ROBO2: variants seen among roughly 807,000 people sequenced by gnomAD.
ROBO2 encodes the protein roundabout homolog 2.
In ROBO2, 53 loss-of-function variants were observed where a neutral mutation model predicts 160.8. The observed-to-expected ratio is 0.33, with a 90% CI of 0.26 to 0.41. ROBO2 has a LOEUF of 0.41. Ranked by LOEUF, ROBO2 falls within the 10% of genes least tolerant of loss-of-function variation. The pLI is 1.00. For synonymous variants in ROBO2, 664 were observed against 611.7 expected (o/e 1.09, Z -1.26); for missense variants, 1,577 against 1,722.4 (o/e 0.92, Z 1.49).
intron 2 of ROBO2, among the ~76,000 whole-genome samples, chr3:77,296,417 G>A (rs540847663): frequency 3.3e-5 from 5 of 152,234 alleles, no homozygotes; most frequent in South Asian, 2.1e-4. Flanking sequence ...TAAAATTGAC[G>A]GCTAAACCGT....
chr3:77,471,926 A>G (rs1262166908), intron 2 of ROBO2, among the ~76,000 whole-genome samples: 5 of 152,276 alleles, frequency 3.3e-5, no homozygotes, highest in East Asian at 1.9e-4. Context: ...AGGATGCGCC[A>G]ATTTCCCCTG....
chr3:76,152,186 G>A (rs966374977), intron 2 of ROBO2, among the ~76,000 whole-genome samples: 8 of 152,168 alleles, frequency 5.3e-5, no homozygotes, highest in African/African-American at 1.9e-4. Context: ...AGGGAGCTAA[G>A]CCATCAGGCT....
At chr3:77,458,542 T>G in intron 2 of ROBO2, among the ~76,000 whole-genome samples, 1 of 152,034 alleles carries the variant, frequency 6.6e-6, no homozygotes, top group Admixed American at 6.6e-5. Flanking sequence ...AATGTAACAC[T>G]GATCAGCAAT....
chr3:75,948,311 C>T (rs868252790), intron 2 of ROBO2, among the ~76,000 whole-genome samples: 12 of 151,860 alleles, frequency 7.9e-5, no homozygotes, highest in Admixed American at 5.3e-4. Context: ...AAATTGGAGA[C>T]TGTGTTTAAA....
intron 2 of ROBO2, among the ~76,000 whole-genome samples, chr3:76,271,446 A>T (rs531022883): frequency 6.6e-6 from 1 of 151,040 alleles, no homozygotes; most frequent in Admixed American, 6.7e-5. Context: ...AGAAAGTCCC[A>T]TTGCCCTTTC....
At chr3:76,016,391 A>G (rs1391623583) in intron 2 of ROBO2, among the ~76,000 whole-genome samples, 2 of 151,960 alleles carry the variant, frequency 1.3e-5, no homozygotes, top group South Asian at 2.1e-4. Flanking sequence ...TACAAGAATG[A>G]GATTTGGCAT....
chr3:76,881,207 C>T (rs11127566), intron 2 of ROBO2, among the ~76,000 whole-genome samples: 8,450 of 152,128 alleles, frequency 0.056, 290 homozygotes, highest in South Asian at 0.14. Flanking sequence ...GGTCAGAGTG[C>T]GGAGAATTAT....
chr3:76,989,748 A>G (rs906772412), intron 2 of ROBO2, among the ~76,000 whole-genome samples: 6 of 152,182 alleles, frequency 3.9e-5, no homozygotes, highest in African/African-American at 1.4e-4. Context: ...ATATAAGACT[A>G]GAGAGAAATC....
In ROBO2 at chr3:76,704,324, C is replaced by G. The variant is rs546062080; in HGVS notation, c.110-393690C>G. Reference sequence around the variant, plus strand: ...CTCCATCTTTGTTTAATTTGAATTTCACTTCCAATATCATCACTTTTTGTT... The same window carrying G: ...CTCCATCTTTGTTTAATTTGAATTTGACTTCCAATATCATCACTTTTTGTT... On this transcript the variant is annotated intron_variant, in intron 2 of 26. Coordinates refer to the ROBO2 transcript ENST00000487694. Among the ~76,000 whole-genome samples the G allele has an allele frequency of 5.9e-5, 9 of 152,260 alleles. No homozygotes were observed. In the South Asian group the frequency reaches 1.9e-3, roughly 32 times the overall value.
At chr3:77,391,255 A>C (rs58737696) in intron 2 of ROBO2, among the ~76,000 whole-genome samples, 1 of 152,224 alleles carries the variant, frequency 6.6e-6, no homozygotes, top group African/African-American at 2.4e-5. Flanking sequence ...TTCATTAGAA[A>C]CCTTTGAAAT....
chr3:76,763,734 G>T (rs2061434130), intron 2 of ROBO2, among the ~76,000 whole-genome samples: 1 of 151,686 alleles, frequency 6.6e-6, no homozygotes, highest in South Asian at 2.1e-4. Context: ...GATCACCTGG[G>T]GATCTGGGTA....
At chr3:77,317,142 G>A in intron 2 of ROBO2, 3 of 1,097,298 alleles carry the variant, frequency 2.7e-6, no homozygotes, top group Non-Finnish European at 4.2e-6. Context: ...GTCTCAAAAC[G>A]CATCTGGTAC....
chr3:76,379,941 C>T (rs2076535292), intron 2 of ROBO2, among the ~76,000 whole-genome samples: 1 of 151,754 alleles, frequency 6.6e-6, no homozygotes, highest in South Asian at 2.1e-4. Context: ...TATTTTATTC[C>T]TCTTGTTATT....
At chr3:76,569,494 A>ACACACAATC (rs551482277) in intron 2 of ROBO2, among the ~76,000 whole-genome samples, 151 of 152,270 alleles carry the variant, frequency 9.9e-4, no homozygotes, top group African/African-American at 3.4e-3. Context: ...GATTTCAGAG[A>ACACACAATC]CTTTAGGATT....
intron 2 of ROBO2, among the ~76,000 whole-genome samples, chr3:76,872,980 G>T (rs772723753): frequency 2.0e-5 from 3 of 152,020 alleles, no homozygotes; most frequent in African/African-American, 4.8e-5. Flanking sequence ...TAAAAGTGGC[G>T]TTCTGTTCAA....
intron 2 of ROBO2, among the ~76,000 whole-genome samples, chr3:76,906,713 G>T (rs2075630310): frequency 6.6e-6 from 1 of 152,024 alleles, no homozygotes; most frequent in Non-Finnish European, 1.5e-5. Context: ...TAGGCAGTCT[G>T]AACTCCAAAA....
chr3:76,081,840 A>C (rs1485568234), intron 2 of ROBO2, among the ~76,000 whole-genome samples: 1 of 150,228 alleles, frequency 6.7e-6, no homozygotes, highest in East Asian at 1.9e-4. Flanking sequence ...AAATACATAC[A>C]CACACACACA....
At chr3:76,072,662 ATATAT>A (rs1420319305) in intron 2 of ROBO2, among the ~76,000 whole-genome samples, 1 of 152,160 alleles carries the variant, frequency 6.6e-6, no homozygotes, top group African/African-American at 2.4e-5. Context: ...TCTTAATATC[ATATAT>A]TATTCTTTAA....
intron 2 of ROBO2, among the ~76,000 whole-genome samples, chr3:76,830,600 A>AT (rs2066994745): frequency 6.6e-6 from 1 of 152,030 alleles, no homozygotes; most frequent in East Asian, 1.9e-4. Flanking sequence ...ACTTTGAAGA[A>AT]TTTTCTCTCC....
Sources: allele counts gnomAD v4.1 joint callset (sites outside exome capture counted in the v4.1 genomes callset), GRCh38; gene constraint gnomAD v4.1.1; transcripts MANE v1.5; gene names NCBI Gene and HGNC (gene_info 2026-07-23, HGNC 2026-07-21).